ARHGEF15: variants seen among roughly 807,000 people sequenced by gnomAD.
ARHGEF15 encodes Rho guanine nucleotide exchange factor (GEF) 15.
Under a neutral mutation model 79.7 loss-of-function variants are expected in ARHGEF15, and 58 were observed. The ratio of observed to expected loss-of-function variants is 0.73; its 90% CI spans 0.59 to 0.91. The LOEUF is 0.91. Ranked by LOEUF, ARHGEF15 falls within the 40% of genes least tolerant of loss-of-function variation. The probability of loss-of-function intolerance (pLI) is 0.00; values close to 1 mark genes in which losing one functional copy is unlikely to be tolerated. For missense variants in ARHGEF15, 1,012 were observed against 1,108.1 expected, an observed-to-expected ratio of 0.91 and a Z score of 1.23; for synonymous variants, 442 against 456.0, an observed-to-expected ratio of 0.97 and a Z score of 0.39.
At chr17:8,310,892 T>TG (rs1368522847) in intron 1 of ARHGEF15, 5 of 151,834 alleles carry the variant, frequency 3.3e-5, no homozygotes, top group Non-Finnish European at 7.4e-5. Flanking sequence ...AGTACCTGGG[T>TG]TCCTAAGGGT....
Position 8,321,838 on chromosome 17 carries a change from G to A in ARHGEF15, c.*845G>A, listed in dbSNP as rs1905405018. On this transcript the variant is annotated 3_prime_UTR_variant, in exon 16 of 16. Coordinates refer to ENST00000361926, the MANE Select transcript of ARHGEF15 (RefSeq NM_173728.4). Reference sequence around the variant, plus strand: ...TGGGTCTCTTGGAGGCTAGGGTTCTGTGGCAGTTGCAGGGCAATGTTATGG... The same window carrying A: ...TGGGTCTCTTGGAGGCTAGGGTTCTATGGCAGTTGCAGGGCAATGTTATGG... 1 of 152,464 alleles carries A rather than the reference G, an allele frequency of 6.6e-6. No homozygotes were observed. Among genetic ancestry groups the A allele is most frequent in the African/African-American group, 2.4e-5 (1 of 41,576 alleles). The allele number at this position is 152,464 out of a possible 1,614,324, so 9.4% of individuals were successfully genotyped here. A position where few individuals can be genotyped will look rare whatever the true frequency, so the allele number is the denominator to read the frequency against.
intron 3 of ARHGEF15, 98 bp downstream of exon 3, chr17:8,313,352 TG>T (rs1904796465): frequency 6.6e-7 from 1 of 1,505,394 alleles, no homozygotes; most frequent in African/African-American, 1.4e-5. Flanking sequence ...CAACAGGCAC[TG>T]GGCTCTTTGC....
chr17:8,316,376 G>T (rs77592577), intron 9 of ARHGEF15, among the ~76,000 whole-genome samples: 1,808 of 152,316 alleles, frequency 0.012, 17 homozygotes, highest in Middle Eastern at 0.024. Context: ...CAGGTGCAGG[G>T]AAAGGCCCTC....
Position 8,312,371 on chromosome 17 carries a change from A to C in ARHGEF15, c.332A>C (p.Glu111Ala). 1 of 1,606,604 alleles carries C rather than the reference A, an allele frequency of 6.2e-7. No individual in the cohort carries two copies. The change falls in exon 2 of 16, where the codon GAA (glutamate) becomes GCA (alanine). Residue 111 changes from glutamate (E) to alanine (A), a missense_variant. Physicochemically the swap from Glu to Ala is moderately radical, Grantham distance 107. This residue lies in a region of ARHGEF15 where 818 missense variants were observed against 882.5 expected (regional missense o/e 0.93). Transcript: ENST00000361926. The stretch of plus-strand genomic sequence containing the variant: ...GTGTCCCGGCGCTCCGCCTCCCCAG[A>C]ACCTGCTCCCCGGTCTCCAGTCCCC... ...SPVSRRSASP[E>A]PAPRSPVPPP...
At position 8,313,510 on chromosome 17, in the gene ARHGEF15, C is replaced by T; in HGVS notation, c.944C>T (p.Pro315Leu). 1 of 1,613,398 alleles carries T rather than the reference C, an allele frequency of 6.2e-7. No homozygotes were observed. Among genetic ancestry groups the T allele is most frequent in the Non-Finnish European group, 8.5e-7 (1 of 1,179,878 alleles). The change falls in exon 4 of 16, where the codon CCT becomes CTT. Residue 315 changes from proline to leucine, a missense_variant. Pro to Leu is a moderately conservative substitution (Grantham distance 98, BLOSUM62 -3). Coordinates refer to ENST00000361926, the MANE Select transcript of ARHGEF15 (RefSeq NM_173728.4). ...TGGCTTCTCTCTCCAGGGGACAGTC[C>T]TGATGAAGCTCCTCAGAATACTCCT... Reference protein sequence around the residue: ...SEDGIQTGDSPDEAPQNTPPA... With the variant: ...SEDGIQTGDSLDEAPQNTPPA...
At chr17:8,314,742 CAAAAAAAAA>C (rs77491661) in intron 4 of ARHGEF15, 155 bp from the exon 5 acceptor site, 77 of 300,088 alleles carry the variant, frequency 2.6e-4, no homozygotes, top group African/African-American at 2.1e-3. Context: ...CTTTCCCCTT[CAAAAAAAAA>C]AAAAAAAAAA....
At chr17:8,313,629 A>G in intron 4 of ARHGEF15, 74 bp downstream of exon 4, 1 of 1,492,948 alleles carries the variant, frequency 6.7e-7, no homozygotes, top group Non-Finnish European at 9.1e-7. Flanking sequence ...ACTAACCTTC[A>G]GCTCCAGCTA....
At chr17:8,312,694 G>A (rs779354039) in intron 2 of ARHGEF15, 54 bp downstream of exon 2, 18 of 1,609,300 alleles carry the variant, frequency 1.1e-5, no homozygotes, top group Non-Finnish European at 4.2e-6. Flanking sequence ...CATCTTCTCC[G>A]TTTTCAGTGC....
chr17:8,316,996 T>TG (rs1415514346), intron 9 of ARHGEF15, among the ~76,000 whole-genome samples: 1 of 152,186 alleles, frequency 6.6e-6, no homozygotes, highest in Admixed American at 6.5e-5. Flanking sequence ...TTGGCCAGGC[T>TG]GCTATCGAAC....
At position 8,322,118 on chromosome 17, in the gene ARHGEF15, C is replaced by G. The variant is rs1349184662; in HGVS notation, c.*1125C>G. 6.5e-6 allele frequency: 1 copy of G among 152,886 alleles called. No individual in the cohort carries two copies. The highest frequency in any genetic ancestry group is 1.5e-5 in the Non-Finnish European group (1 of 68,234). 9.5% of individuals were successfully genotyped at this position (152,886 alleles called of 1,614,324 possible). A position where few individuals can be genotyped will look rare whatever the true frequency, so the allele number is the denominator to read the frequency against. ...CAGGCCAGCCAGTGAACCTCCTGGG[C>G]TTTCTTGCCTTTGTCCTGATCCTCT... On this transcript the variant is annotated 3_prime_UTR_variant, in exon 16 of 16. Transcript: ENST00000361926.
chr17:8,314,761 AAAG>A, intron 4 of ARHGEF15, 142 bp from the exon 5 acceptor site: 3 of 802,240 alleles, frequency 3.7e-6, no homozygotes, highest in Non-Finnish European at 3.7e-6. Flanking sequence ...AAAAAAAAAA[AAAG>A]CCTGAGGTTT....
rs1015713671 is a variant in ARHGEF15, at chr17:8,312,920, A to C, written c.602-2A>C. ...TCTCCTTAGGCTACCTGTCTCCCAC[A>C]GATGCTGGCCTGGCCTGCCCTCCCT... On this transcript the variant is annotated splice_acceptor_variant, in intron 2 of 15. Coordinates refer to ENST00000361926, the MANE Select transcript of ARHGEF15 (RefSeq NM_173728.4). LOFTEE classifies it high-confidence loss of function. 1.3e-6 allele frequency: 2 copies of C among 1,570,870 alleles called. No homozygotes were observed.
chr17:8,314,849 C>A, intron 4 of ARHGEF15, 57 bp from the exon 5 acceptor site: 2 of 1,604,798 alleles, frequency 1.2e-6, no homozygotes, highest in East Asian at 2.2e-5. Context: ...AACAAGCACC[C>A]CTACGGTGGG....
chr17:8,315,638 C>G lies in ARHGEF15; in HGVS notation c.1421+64C>G. On this transcript the variant is annotated intron_variant, in intron 7 of 15. Transcript: ENST00000361926. This position sits in a 1 kb window ranked among gnomAD's most constrained non-coding sequence, Gnocchi z 4.3. Reference sequence around the variant, plus strand: ...GGCTGCTGGGCACGCCCTTTCCTCTCTCCCGGGCCCAGGTCCTTCCTTCTA... The same window carrying G: ...GGCTGCTGGGCACGCCCTTTCCTCTGTCCCGGGCCCAGGTCCTTCCTTCTA... The G allele has an allele frequency of 6.3e-7, 1 of 1,596,134 alleles. No homozygotes were observed. Among genetic ancestry groups the G allele is most frequent in the Non-Finnish European group, 8.5e-7 (1 of 1,174,118 alleles).
intron 3 of ARHGEF15, 54 bp downstream of exon 3, chr17:8,313,308 A>AG: frequency 6.4e-7 from 1 of 1,563,738 alleles, no homozygotes. Context: ...GGAGAGAGGC[A>AG]GGGGGGAACT....
In ARHGEF15 at chr17:8,314,971, G is replaced by T. The variant is rs1904909898; in HGVS notation, c.1048+7G>T. 2.5e-6 allele frequency: 4 copies of T among 1,614,046 alleles called. No individual in the cohort carries two copies. The highest frequency in any genetic ancestry group is 8.5e-7 in the Non-Finnish European group (1 of 1,179,972). On this transcript the variant is annotated splice_region_variant and intron_variant, in intron 5 of 15. Transcript: ENST00000361926. ...GAGCTGCCCCTGCAGGATGGTGAGG[G>T]CCTCTGGACCTGAGGGTCCCTGCTG...
rs1033431213 is a variant in ARHGEF15 at position 8,312,863 on chromosome 17, T to G, written c.602-59T>G. 1.9e-6 allele frequency: 3 copies of G among 1,563,000 alleles called. No individual in the cohort carries two copies. The African/African-American group carries it at 4.1e-5, about 21-fold the overall frequency. ...GGGCAGGTTAAAGATGGAGATGGTC[T>G]GGGCGGGGGTGGAGCTGGGCCCCAA... On this transcript the variant is annotated intron_variant, in intron 2 of 15. Transcript: ENST00000361926.
Position 8,321,065 on chromosome 17 carries a change from T to A in ARHGEF15, c.*72T>A. 6.3e-7 allele frequency: 1 copy of A among 1,581,562 alleles called. No individual in the cohort carries two copies. The highest frequency in any genetic ancestry group is 8.6e-7 in the Non-Finnish European group (1 of 1,156,196). On this transcript the variant is annotated 3_prime_UTR_variant, in exon 16 of 16. Transcript: ENST00000361926. ...GCACGGAGAGAACAAAGCCCATTCA[T>A]CCATTGGATTCACTGTCAGTGGAGA...
At chr17:8,313,734 G>A in intron 4 of ARHGEF15, 179 bp downstream of exon 4, 1 of 563,964 alleles carries the variant, frequency 1.8e-6, no homozygotes, top group East Asian at 3.2e-5. Context: ...TATCAATTCT[G>A]TGATCTTATA....
Sources: gnomAD v4.1 joint callset for allele counts (sites outside exome capture counted in the v4.1 genomes callset) on GRCh38, gnomAD v4.1.1 for gene constraint, gnomAD v4.1.1 regional missense constraint, Gnocchi (gnomAD v3.1) non-coding constraint, MANE v1.5 for transcripts, NCBI Gene and HGNC (gene_info 2026-07-23, HGNC 2026-07-21) for gene names.